Variants in PCDHGA9 observed in about 807,000 individuals in gnomAD.
PCDHGA9 encodes the protein protocadherin gamma subfamily A, 9.
PCDHGA9 carries 37 observed loss-of-function variants against 62.5 expected under a neutral mutation model. That is an observed-to-expected ratio of 0.59 (90% CI 0.46 to 0.78). PCDHGA9 has a LOEUF of 0.78. PCDHGA9 is among the 30% of genes least tolerant of loss of function. The pLI is 0.00. For synonymous variants in PCDHGA9, 459 were observed against 484.6 expected (o/e 0.95, Z 0.69); for missense variants, 1,138 against 1,166.2 (o/e 0.98, Z 0.35).
chr5:141,445,048 A>G (rs1364884310), intron 1 of PCDHGA9, among the ~76,000 whole-genome samples: 4 of 152,234 alleles, frequency 2.6e-5, no homozygotes, highest in Non-Finnish European at 5.9e-5. Flanking sequence ...TTTTCAGTGT[A>G]GAGAGGTCAT....
intron 1 of PCDHGA9, among the ~76,000 whole-genome samples, chr5:141,437,505 A>G (rs1429147239): frequency 6.6e-6 from 1 of 152,204 alleles, no homozygotes; most frequent in Non-Finnish European, 1.5e-5. Context: ...TTTTCAATGA[A>G]TTATAAGGCT....
intron 1 of PCDHGA9, chr5:141,478,265 G>C: frequency 1.2e-6 from 2 of 1,614,196 alleles, no homozygotes; most frequent in Non-Finnish European, 1.7e-6. Flanking sequence ...CATATTCAAA[G>C]TTTACAAGTG....
At chr5:141,480,745 C>T (rs528415324) in intron 1 of PCDHGA9, among the ~76,000 whole-genome samples, 1 of 152,278 alleles carries the variant, frequency 6.6e-6, no homozygotes, top group Non-Finnish European at 1.5e-5. Flanking sequence ...ACATAGGCAT[C>T]ATTTTTTGAA....
intron 1 of PCDHGA9, chr5:141,413,487 G>A (rs1190400492): frequency 1.9e-6 from 3 of 1,613,928 alleles, no homozygotes; most frequent in African/African-American, 2.7e-5. Context: ...CTCAGAGCGC[G>A]CGGTGCGTGG....
chr5:141,460,454 T>A (rs1010186960), intron 1 of PCDHGA9, among the ~76,000 whole-genome samples: 6 of 152,194 alleles, frequency 3.9e-5, no homozygotes, highest in Admixed American at 3.3e-4. Flanking sequence ...TGAAGATTCA[T>A]ATTTTTTTCC....
intron 1 of PCDHGA9, among the ~76,000 whole-genome samples, chr5:141,488,854 A>G (rs923370040): frequency 1.3e-5 from 2 of 152,226 alleles, no homozygotes; most frequent in Admixed American, 1.3e-4. Context: ...AACCTGCAGC[A>G]CGAAGTGAGT....
At chr5:141,509,551 C>T (rs2099877337) in intron 3 of PCDHGA9, among the ~76,000 whole-genome samples, 1 of 152,164 alleles carries the variant, frequency 6.6e-6, no homozygotes, top group South Asian at 2.1e-4. Context: ...CTCATTTAGT[C>T]CTCACAGCAG....
At position 141,403,623 on chromosome 5, in the gene PCDHGA9, G is replaced by A. The variant is rs765775423; in HGVS notation, c.671G>A (p.Ser224Asn). The change falls in exon 1 of 4, where the codon AGC (serine) becomes AAC (asparagine). Residue 224 changes from serine to asparagine, a missense_variant. Coordinates refer to ENST00000573521, the MANE Select transcript of PCDHGA9 (RefSeq NM_018921.3). ...ASDGGEPRRS[S>N]TVRIHVTVLD... Reference sequence around the variant, plus strand: ...GATGGCGGCGAGCCGCGTCGCTCCAGCACAGTGCGCATCCATGTGACAGTG... The same window carrying A: ...GATGGCGGCGAGCCGCGTCGCTCCAACACAGTGCGCATCCATGTGACAGTG... 6.2e-7 allele frequency: 1 copy of A among 1,613,898 alleles called. No homozygotes were observed. The highest frequency in any genetic ancestry group is 1.1e-5 in the South Asian group (1 of 91,084).
intron 1 of PCDHGA9, chr5:141,424,527 A>G (rs1164206187): frequency 1.3e-5 from 2 of 152,214 alleles, no homozygotes; most frequent in African/African-American, 2.4e-5. Flanking sequence ...GTAAATCCAT[A>G]TATAGAAATA....
At chr5:141,421,797 C>T in intron 1 of PCDHGA9, 1 of 1,613,744 alleles carries the variant, frequency 6.2e-7, no homozygotes, top group Non-Finnish European at 8.5e-7. Context: ...CGGATGGGGC[C>T]AAGAATCCAG....
At chr5:141,421,444 A>T in intron 1 of PCDHGA9, 1 of 1,614,020 alleles carries the variant, frequency 6.2e-7, no homozygotes, top group Non-Finnish European at 8.5e-7. Flanking sequence ...CAGAGGGAAG[A>T]CACAGCTTTT....
rs765754054 is a variant in PCDHGA9 at position 141,503,598 on chromosome 5, CA to C, written c.2484-1779del. Among the ~76,000 whole-genome samples, 277 of 65,728 alleles carry C rather than the reference CA, an allele frequency of 4.2e-3. 2 individuals are homozygous for C. The highest frequency in any genetic ancestry group is 0.012 in the Middle Eastern group (1 of 86). The allele number at this position is 65,728 out of a possible 152,430, so 43.1% of individuals were successfully genotyped here. A position where few individuals can be genotyped will look rare whatever the true frequency, so the allele number is the denominator to read the frequency against. ...TGGGTGACAGAGCGAGACTCCAGCT[CA>C]AAAAAAAAAAAAAAAGAAAAAAGAA... On this transcript the variant is annotated intron_variant, in intron 2 of 3. Coordinates refer to ENST00000573521, the MANE Select transcript of PCDHGA9 (RefSeq NM_018921.3).
At chr5:141,457,878 C>A (rs1263626843) in intron 1 of PCDHGA9, among the ~76,000 whole-genome samples, 1 of 152,190 alleles carries the variant, frequency 6.6e-6, no homozygotes, top group East Asian at 1.9e-4. Context: ...GGTTAGGAAC[C>A]CTGTGTGGGG....
rs1252361961 is a variant in PCDHGA9 at position 141,486,106 on chromosome 5, G to A, written c.2425-8701G>A. The A allele has an allele frequency of 2.5e-6, 4 of 1,614,190 alleles. No individual in the cohort carries two copies. The highest frequency in any genetic ancestry group is 1.1e-5 in the South Asian group (1 of 91,086). Reference sequence around the variant, plus strand: ...CTCTTTTGGGGCCCCTAGACTTTGAGAGTGAGAATTACTATGAATTTGATG... The same window carrying A: ...CTCTTTTGGGGCCCCTAGACTTTGAAAGTGAGAATTACTATGAATTTGATG... On this transcript the variant is annotated intron_variant, in intron 1 of 3. Transcript: ENST00000573521. The surrounding 1 kb of genome is among the most constrained non-coding windows in gnomAD (Gnocchi z 5.0).
intron 1 of PCDHGA9, among the ~76,000 whole-genome samples, chr5:141,434,221 G>T (rs760622311): frequency 6.6e-6 from 1 of 152,206 alleles, no homozygotes; most frequent in Admixed American, 6.5e-5. Flanking sequence ...TGTAAACAAA[G>T]TACGATTTCT....
At chr5:141,422,020 G>A (rs374562798) in intron 1 of PCDHGA9, 2 of 1,610,932 alleles carry the variant, frequency 1.2e-6, no homozygotes, top group Non-Finnish European at 1.7e-6. Flanking sequence ...GGTGCTGATG[G>A]TTAATGCAAC....
chr5:141,457,416 C>T (rs1378171092), intron 1 of PCDHGA9, among the ~76,000 whole-genome samples: 1 of 152,172 alleles, frequency 6.6e-6, no homozygotes, highest in Non-Finnish European at 1.5e-5. Flanking sequence ...ATTACCCATC[C>T]CTTTTTCCCC....
intron 1 of PCDHGA9, 129 bp from the exon 2 acceptor site, chr5:141,494,678 G>T: frequency 1.3e-6 from 2 of 1,554,384 alleles, no homozygotes; most frequent in East Asian, 4.7e-5. Flanking sequence ...GTCCACCCCT[G>T]CCCCCTCTTA....
chr5:141,483,833 G>A (rs964111814), intron 1 of PCDHGA9, among the ~76,000 whole-genome samples: 1 of 152,116 alleles, frequency 6.6e-6, no homozygotes, highest in Admixed American at 6.5e-5. Flanking sequence ...CCTAGGTAAG[G>A]ACTTGGTTGA....
Sources: gnomAD v4.1 joint callset for allele counts (sites outside exome capture counted in the v4.1 genomes callset) on GRCh38, gnomAD v4.1.1 for gene constraint, Gnocchi (gnomAD v3.1) non-coding constraint, MANE v1.5 for transcripts, NCBI Gene and HGNC (gene_info 2026-07-23, HGNC 2026-07-21) for gene names.